The following NPAS3 variants were observed in gnomAD, a reference collection of about 807,000 sequenced individuals.
The protein encoded by NPAS3 is neuronal PAS domain-containing protein 3.
In NPAS3, 14 loss-of-function variants were observed where a neutral mutation model predicts 73.1. That is an observed-to-expected ratio of 0.19 (90% CI 0.13 to 0.30). The LOEUF (loss-of-function observed/expected upper bound fraction) is 0.30, where lower values mean the gene tolerates loss of function less well. Ranked by LOEUF, NPAS3 falls within the 10% of genes least tolerant of loss-of-function variation. The pLI is 1.00. For missense variants in NPAS3, 1,096 were observed against 1,250.0 expected (o/e 0.88, Z 1.86); for synonymous variants, 620 against 541.5 (o/e 1.14, Z -2.01).
intron 4 of NPAS3, among the ~76,000 whole-genome samples, chr14:33,448,026 G>T (rs542112744): frequency 6.6e-6 from 1 of 152,348 alleles, no homozygotes; most frequent in East Asian, 1.9e-4. Context: ...CCTCCAGCAC[G>T]TCTGGCCAGA....
intron 5 of NPAS3, among the ~76,000 whole-genome samples, chr14:33,563,557 G>T (rs1355363332): frequency 1.1e-5 from 1 of 95,006 alleles, no homozygotes; most frequent in East Asian, 2.4e-4. Context: ...GAGAGAGAGA[G>T]AGAGAGAGGA....
At chr14:33,241,545 G>A (rs976447626) in intron 3 of NPAS3, among the ~76,000 whole-genome samples, 1 of 151,912 alleles carries the variant, frequency 6.6e-6, no homozygotes, top group African/African-American at 2.4e-5. Flanking sequence ...ATCTCTGAAA[G>A]CACAGCATGA....
chr14:33,683,460 T>A (rs1240958250), intron 6 of NPAS3, among the ~76,000 whole-genome samples: 1 of 142,708 alleles, frequency 7.0e-6, no homozygotes, highest in Non-Finnish European at 1.5e-5. Context: ...AAGGTGGCCG[T>A]CTCTGTCATT....
chr14:33,628,601 G>A (rs1421978681), intron 5 of NPAS3, among the ~76,000 whole-genome samples: 1 of 152,194 alleles, frequency 6.6e-6, no homozygotes, highest in African/African-American at 2.4e-5. Flanking sequence ...TTTTTATTGA[G>A]CTGGTTGGTC....
In NPAS3 at chr14:33,641,527, T is replaced by C. The variant is rs1214118296; in HGVS notation, c.559-34684T>C. Among the ~76,000 whole-genome samples, 5 of 152,176 alleles carry C rather than the reference T, an allele frequency of 3.3e-5. 1 individual carries two copies. The highest frequency in any genetic ancestry group is 5.9e-5 in the Non-Finnish European group (4 of 68,022). On this transcript the variant is annotated intron_variant, in intron 5 of 11. Transcript: ENST00000356141. ...TATAATTGTGTGTACCACTAGGGGC[T>C]AGGGGGTGATTCTTTTGACTGTGTC...
At chr14:33,778,553 C>A (rs138128927) in exon 9 of NPAS3, 1 of 1,613,154 alleles carries the variant, frequency 6.2e-7, no homozygotes, top group African/African-American at 1.3e-5. Flanking sequence ...TGGAGGGCAT[C>A]AGGCACAGTC....
At chr14:33,048,305 T>C (rs1323850142) in intron 1 of NPAS3, among the ~76,000 whole-genome samples, 3 of 152,246 alleles carry the variant, frequency 2.0e-5, no homozygotes, top group African/African-American at 2.4e-5. Flanking sequence ...ACTTTAGTGC[T>C]GGGGCCTACT....
At chr14:33,637,687 T>A (rs931862677) in intron 5 of NPAS3, among the ~76,000 whole-genome samples, 2 of 152,266 alleles carry the variant, frequency 1.3e-5, no homozygotes, top group African/African-American at 4.8e-5. Context: ...TTACCTTTTT[T>A]GTTTGCTGTT....
chr14:32,938,801 C>T (rs113598692), upstream of NPAS3, among the ~76,000 whole-genome samples: 1 of 147,252 alleles, frequency 6.8e-6, no homozygotes, highest in African/African-American at 2.4e-5. Flanking sequence ...GGCCCTGGGC[C>T]GGGCTGCCCG....
intron 5 of NPAS3, among the ~76,000 whole-genome samples, chr14:33,639,518 G>A (rs976705445): frequency 2.6e-5 from 4 of 152,132 alleles, no homozygotes; most frequent in Non-Finnish European, 4.4e-5. Flanking sequence ...ACTAGAGATC[G>A]TGATGGCAGA....
At chr14:33,404,419 C>G (rs1193973055) in intron 4 of NPAS3, among the ~76,000 whole-genome samples, 3 of 152,002 alleles carry the variant, frequency 2.0e-5, no homozygotes, top group Non-Finnish European at 4.4e-5. Context: ...TTTAACACAC[C>G]CAGGCAGAAA....
chr14:33,164,403 G>A (rs28521978), intron 2 of NPAS3, among the ~76,000 whole-genome samples: 45,590 of 151,928 alleles, frequency 0.3, 7,122 homozygotes, highest in African/African-American at 0.39. Context: ...CTTATATCAT[G>A]TTCTTAAATA....
chr14:33,654,395 G>GC (rs2140244563), intron 5 of NPAS3, among the ~76,000 whole-genome samples: 2 of 152,242 alleles, frequency 1.3e-5, no homozygotes, highest in East Asian at 3.9e-4. Context: ...GTTCTGATTT[G>GC]CCAGTGTTAA....
chr14:33,611,925 TA>T (rs2057762248), intron 5 of NPAS3, among the ~76,000 whole-genome samples: 4 of 152,184 alleles, frequency 2.6e-5, no homozygotes, highest in Admixed American at 2.6e-4. Flanking sequence ...ATCATACTTT[TA>T]AAAAATTAAA....
At chr14:33,652,351 A>T (rs2059019246) in intron 5 of NPAS3, among the ~76,000 whole-genome samples, 1 of 152,208 alleles carries the variant, frequency 6.6e-6, no homozygotes, top group Non-Finnish European at 1.5e-5. Flanking sequence ...CATATTACTC[A>T]TGCCAGTCTT....
intron 4 of NPAS3, among the ~76,000 whole-genome samples, chr14:33,549,674 T>C (rs1351895418): frequency 6.6e-6 from 1 of 152,224 alleles, no homozygotes; most frequent in Non-Finnish European, 1.5e-5. Flanking sequence ...ATGGTTTAGT[T>C]ACATTCCTTG....
At chr14:33,720,871 T>C (rs1251235625) in intron 6 of NPAS3, among the ~76,000 whole-genome samples, 2 of 152,110 alleles carry the variant, frequency 1.3e-5, no homozygotes, top group Non-Finnish European at 2.9e-5. Flanking sequence ...ATCCATGGGG[T>C]GATCTTCAGA....
At chr14:33,142,790 T>A (rs2044101231) in intron 2 of NPAS3, among the ~76,000 whole-genome samples, 1 of 152,176 alleles carries the variant, frequency 6.6e-6, no homozygotes, top group African/African-American at 2.4e-5. Context: ...TGGAGAAAAA[T>A]TTGGCAGTTC....
At chr14:33,180,905 A>G (rs1452529410) in intron 2 of NPAS3, among the ~76,000 whole-genome samples, 2 of 151,812 alleles carry the variant, frequency 1.3e-5, no homozygotes, top group South Asian at 2.1e-4. Flanking sequence ...ACATATAGCT[A>G]TATAATTAAG....
Sources: gnomAD v4.1 joint callset for allele counts (sites outside exome capture counted in the v4.1 genomes callset) on GRCh38, gnomAD v4.1.1 for gene constraint, MANE v1.5 for transcripts, NCBI Gene and HGNC (gene_info 2026-07-23, HGNC 2026-07-21) for gene names.